ATRX: variants seen among roughly 807,000 people sequenced by gnomAD.
ATRX encodes the protein ATRX chromatin remodeler.
Under a neutral mutation model 172.6 loss-of-function variants are expected in ATRX, and 12 were observed. That is an observed-to-expected ratio of 0.07 (90% confidence interval 0.04 to 0.11). The LOEUF is 0.11. Ranked by LOEUF, ATRX falls within the 10% of genes least tolerant of loss-of-function variation. ATRX has a pLI of 1.00. For missense variants in ATRX, 1,368 were observed against 1,767.4 expected, an observed-to-expected ratio of 0.77 and a Z score of 4.05; for synonymous variants, 674 against 594.7, an observed-to-expected ratio of 1.13 and a Z score of -1.94.
At chrX:77,585,026 T>C (rs1287319191) in intron 27 of ATRX, among the ~76,000 whole-genome samples, 2 of 112,018 alleles carry the variant, frequency 1.8e-5, no homozygotes, top group Non-Finnish European at 3.8e-5. Context: ...AAAGAAGACA[T>C]ACCAATGGCA....
At chrX:77,729,949 ATAAAG>A (rs2074230166) in intron 1 of ATRX, among the ~76,000 whole-genome samples, 1 of 112,047 alleles carries the variant, frequency 8.9e-6, no homozygotes, top group Non-Finnish European at 1.9e-5. Context: ...AAATAAATAA[ATAAAG>A]TACAGTATAA....
chrX:77,697,682 G>A (rs781870366), intron 3 of ATRX, 47 bp from the exon 4 acceptor site: 2 of 1,103,729 alleles, frequency 1.8e-6, no homozygotes, highest in East Asian at 6.0e-5. Context: ...TCTCGAAACG[G>A]CATCCCTACA....
At chrX:77,610,823 C>T (rs1190385507) in intron 22 of ATRX, among the ~76,000 whole-genome samples, 2 of 107,259 alleles carry the variant, frequency 1.9e-5, no homozygotes, top group African/African-American at 6.8e-5. Context: ...ATAAACTATC[C>T]CCAAAAGTTG....
chrX:77,554,308 G>GA (rs1178389762), intron 30 of ATRX, among the ~76,000 whole-genome samples: 71 of 104,609 alleles, frequency 6.8e-4, no homozygotes, highest in Non-Finnish European at 1.1e-3. Flanking sequence ...CTGTCTCAAA[G>GA]AAAAAAAAAA....
At chrX:77,636,570 T>A (rs2068360661) in intron 15 of ATRX, among the ~76,000 whole-genome samples, 2 of 111,154 alleles carry the variant, frequency 1.8e-5, no homozygotes, top group African/African-American at 6.5e-5. Context: ...AATACACTAC[T>A]ATTTTGCTTC....
intron 28 of ATRX, among the ~76,000 whole-genome samples, chrX:77,573,218 T>A (rs1021330436): frequency 6.3e-5 from 7 of 111,806 alleles, no homozygotes; most frequent in Non-Finnish European, 1.3e-4. Flanking sequence ...TTTAGATATG[T>A]TACATACACA....
At chrX:77,779,870 G>A (rs1222502468) in intron 1 of ATRX, among the ~76,000 whole-genome samples, 3 of 112,035 alleles carry the variant, frequency 2.7e-5, no homozygotes, top group African/African-American at 9.7e-5. Context: ...TACAGGAAAT[G>A]GCTACTTCAA....
chrX:77,593,022 G>C lies in ATRX; in HGVS notation c.6110+674C>G, dbSNP rs781951167. ...ACAAATTGCTTGAGCTCAAGAGTTCGAGATCAGCCTGGGCAACACGGTGAA... is the reference window on the plus strand; with the variant it reads ...ACAAATTGCTTGAGCTCAAGAGTTCCAGATCAGCCTGGGCAACACGGTGAA... On this transcript the variant is annotated intron_variant, in intron 26 of 34. Coordinates refer to ENST00000373344, the MANE Select transcript of ATRX (RefSeq NM_000489.6). 7.4e-5 allele frequency among the ~76,000 whole-genome samples: 8 copies of C among 108,665 alleles called. No homozygotes were observed. In the South Asian group the frequency reaches 3.2e-3, roughly 44 times the overall value. 94.4% of individuals were successfully genotyped at this position (108,665 alleles called of 115,157 possible). A position where few individuals can be genotyped will look rare whatever the true frequency, so the allele number is the denominator to read the frequency against.
chrX:77,555,833 G>C (rs1178324387), intron 30 of ATRX, among the ~76,000 whole-genome samples: 2 of 109,766 alleles, frequency 1.8e-5, no homozygotes, highest in Non-Finnish European at 3.8e-5. Flanking sequence ...GTAACAAACT[G>C]CATGTTCAGC....
chrX:77,527,032 A>G (rs1409018361), intron 30 of ATRX, among the ~76,000 whole-genome samples: 1 of 112,679 alleles, frequency 8.9e-6, no homozygotes, highest in African/African-American at 3.2e-5. Context: ...CTAAAACATT[A>G]CCTCCATCCT....
chrX:77,769,606 A>G (rs373035307), intron 1 of ATRX, among the ~76,000 whole-genome samples: 4 of 111,437 alleles, frequency 3.6e-5, no homozygotes, highest in African/African-American at 1.3e-4. Context: ...TCTTAAATGG[A>G]TTGCAACAAA....
At chrX:77,686,768 A>AT (rs1381789850) in intron 7 of ATRX, among the ~76,000 whole-genome samples, 2 of 111,014 alleles carry the variant, frequency 1.8e-5, no homozygotes, top group Non-Finnish European at 3.8e-5. Context: ...CAATGTCTGT[A>AT]TTTTCCAGAC....
chrX:77,615,155 T>C (rs781797378), intron 22 of ATRX, among the ~76,000 whole-genome samples: 36 of 110,545 alleles, frequency 3.3e-4, no homozygotes, highest in South Asian at 1.9e-3. Context: ...TGCATTACCA[T>C]ACCCGGCTAA....
intron 1 of ATRX, among the ~76,000 whole-genome samples, chrX:77,736,743 G>A (rs1227626108): frequency 3.6e-5 from 4 of 112,167 alleles, no homozygotes; most frequent in African/African-American, 1.3e-4. Flanking sequence ...AAGCAAATCA[G>A]CATATCAAAG....
intron 1 of ATRX, among the ~76,000 whole-genome samples, chrX:77,762,716 CAAG>C (rs1468577381): frequency 9.2e-5 from 10 of 108,682 alleles, no homozygotes; most frequent in Non-Finnish European, 1.5e-4. Context: ...TGTGATAAAA[CAAG>C]AAGAGTAAAA....
At chrX:77,602,030 G>T (rs1014386207) in intron 22 of ATRX, among the ~76,000 whole-genome samples, 2 of 111,243 alleles carry the variant, frequency 1.8e-5, no homozygotes, top group African/African-American at 3.3e-5. Flanking sequence ...TTGATACAGG[G>T]TCTTACACTG....
intron 12 of ATRX, among the ~76,000 whole-genome samples, chrX:77,662,911 G>A (rs1557123645): frequency 9.0e-6 from 1 of 111,009 alleles, no homozygotes; most frequent in African/African-American, 3.3e-5. Context: ...TAGCCAGGAT[G>A]GTCTCAATCT....
In ATRX at chrX:77,634,649, G is replaced by A. The variant is rs2148350101; in HGVS notation, c.4754C>T (p.Ser1585Phe). Residue 1585 changes from serine to phenylalanine, a missense_variant, in exon 17 of 35, where the codon TCT (serine) becomes TTT (phenylalanine). Ser to Phe is a radical substitution (Grantham distance 155, BLOSUM62 -2). This residue lies in a region of ATRX where 27 missense variants were observed against 110.8 expected (regional missense o/e 0.24). Coordinates refer to ENST00000373344, the MANE Select transcript of ATRX (RefSeq NM_000489.6). Reference sequence around the variant, plus strand: ...GGCAAGAATGCATCCTGAACCTGGAGATTTCTTTGTTTTTTTCACAGACTC... The same window carrying A: ...GGCAAGAATGCATCCTGAACCTGGAAATTTCTTTGTTTTTTTCACAGACTC... ...CCESVKKTKK[S>F]PGSGCILAHC... The A allele has an allele frequency of 8.3e-7, 1 of 1,211,417 alleles. No homozygotes were observed. Among genetic ancestry groups the A allele is most frequent in the Non-Finnish European group, 1.1e-6 (1 of 895,333 alleles).
At chrX:77,557,381 A>G in intron 30 of ATRX, 70 bp downstream of exon 30, 1 of 1,023,278 alleles carries the variant, frequency 9.8e-7, no homozygotes, top group Non-Finnish European at 1.4e-6. Flanking sequence ...AGATGACTAA[A>G]TTTGATATCA....
Sources: allele counts gnomAD v4.1 joint callset (sites outside exome capture counted in the v4.1 genomes callset), GRCh38; gene constraint gnomAD v4.1.1; regional missense constraint gnomAD v4.1.1; transcripts MANE v1.5; gene names NCBI Gene and HGNC (gene_info 2026-07-23, HGNC 2026-07-21).